Variants in POMT1 observed in about 807,000 individuals in gnomAD.
POMT1 encodes protein O-mannosyl-transferase 1.
POMT1 carries 85 observed loss-of-function variants against 101.6 expected under a neutral mutation model. That is an observed-to-expected ratio of 0.84 (90% CI 0.70 to 1.00). The LOEUF is 1.00. Among genes scored for constraint, POMT1 ranks in the 50% least tolerant of loss-of-function variants. POMT1 has a pLI of 0.00. For missense variants in POMT1, 857 were observed against 930.4 expected, an observed-to-expected ratio of 0.92 and a Z score of 1.03; for synonymous variants, 371 against 383.0, an observed-to-expected ratio of 0.97 and a Z score of 0.37.
chr9:131,521,387 G>A lies in POMT1; in HGVS notation c.1740G>A (p.Ser580=), dbSNP rs148758906. The change falls in exon 18 of 20, where the codon TCG becomes TCA. Residue 580 remains serine, a synonymous_variant. Transcript: ENST00000402686. ...HLLGNIVIWV[S]GSLALAIYAL... Reference sequence around the variant, plus strand: ...TTGGAAACATAGTGATCTGGGTTTCGGGCAGCCTCGCTCTGGCCATCTACG... The same window carrying A: ...TTGGAAACATAGTGATCTGGGTTTCAGGCAGCCTCGCTCTGGCCATCTACG... 1.9e-5 allele frequency: 31 copies of A among 1,614,008 alleles called. No homozygotes were observed. The highest frequency in any genetic ancestry group is 1.5e-4 in the African/African-American group (11 of 74,916).
At chr9:131,508,001 G>A (rs1370241307) in intron 5 of POMT1, among the ~76,000 whole-genome samples, 1 of 152,198 alleles carries the variant, frequency 6.6e-6, no homozygotes. Context: ...GGAAGGCTGA[G>A]GCGGGCAGAT....
chr9:131,523,216 G>A lies in POMT1; in HGVS notation c.*110G>A. On this transcript the variant is annotated 3_prime_UTR_variant, in exon 20 of 20. Coordinates refer to ENST00000402686, the MANE Select transcript of POMT1 (RefSeq NM_001077365.2). ...GCCCCACGCTGGGAGGACACGGGCT[G>A]GGCTGAGCAGGGCCTCTAGTGGAAC... The A allele has an allele frequency of 7.5e-7, 1 of 1,326,492 alleles. No homozygotes were observed. Among genetic ancestry groups the A allele is most frequent in the South Asian group, 1.3e-5 (1 of 79,596 alleles). The allele number at this position is 1,326,492 out of a possible 1,614,324, so 82.2% of individuals were successfully genotyped here. A position where few individuals can be genotyped will look rare whatever the true frequency, so the allele number is the denominator to read the frequency against.
Position 131,523,258 on chromosome 9 carries a change from G to A in POMT1, c.*152G>A. Reference sequence around the variant, plus strand: ...TAGTGGAACACATGGGGGTCTCATTGAAAAGCTCTCTGATGAGCACCTCCT... The same window carrying A: ...TAGTGGAACACATGGGGGTCTCATTAAAAAGCTCTCTGATGAGCACCTCCT... On this transcript the variant is annotated 3_prime_UTR_variant, in exon 20 of 20. Coordinates refer to ENST00000402686, the MANE Select transcript of POMT1 (RefSeq NM_001077365.2). 3.3e-6 allele frequency: 3 copies of A among 914,218 alleles called. No individual in the cohort carries two copies. Among genetic ancestry groups the A allele is most frequent in the Non-Finnish European group, 3.4e-6 (2 of 594,924 alleles). 56.6% of individuals were successfully genotyped at this position (914,218 alleles called of 1,614,324 possible). A position where few individuals can be genotyped will look rare whatever the true frequency, so the allele number is the denominator to read the frequency against.
rs567254229 is a variant in POMT1 at position 131,520,716 on chromosome 9, C to G, written c.1698+523C>G. On this transcript the variant is annotated intron_variant, in intron 17 of 19. Coordinates refer to ENST00000402686, the MANE Select transcript of POMT1 (RefSeq NM_001077365.2). ...CTCAGGCCCAGAGGCCGCCCCACCC[C>G]GAGCTCTGAGCGCACTTTGCATTCT... is the stretch of plus-strand genomic sequence containing the variant. Among the ~76,000 whole-genome samples the G allele has an allele frequency of 4.6e-5, 7 of 152,364 alleles. No homozygotes were observed. In the East Asian group the frequency reaches 5.8e-4, roughly 13 times the overall value.
In POMT1 at chr9:131,513,377, T is replaced by C. The variant is rs1021494409; in HGVS notation, c.1175+46T>C. The stretch of plus-strand genomic sequence containing the variant: ...CTCTGCTGCACCTGTGGGTTTCCTC[T>C]GTGGTTCTCTGTTCAGACCAAAACG... On this transcript the variant is annotated intron_variant, in intron 12 of 19. Transcript: ENST00000402686. 5.2e-6 allele frequency: 8 copies of C among 1,550,620 alleles called. No individual in the cohort carries two copies. The Admixed American group carries it at 1.1e-4, about 21-fold the overall frequency.
At position 131,519,066 on chromosome 9, in the gene POMT1, C is replaced by A; in HGVS notation, c.1486+109C>A. On this transcript the variant is annotated intron_variant, in intron 15 of 19. Coordinates refer to ENST00000402686, the MANE Select transcript of POMT1 (RefSeq NM_001077365.2). The surrounding 1 kb of genome is among the most constrained non-coding windows in gnomAD (Gnocchi z 4.3). ...TGGTGGGAAGGGAACTGAGCACATT[C>A]TCCATGCTCGGTGGCAGGTCATCTC... The A allele has an allele frequency of 6.5e-7, 1 of 1,532,078 alleles. No homozygotes were observed. Among genetic ancestry groups the A allele is most frequent in the Non-Finnish European group, 8.8e-7 (1 of 1,131,446 alleles). The allele number at this position is 1,532,078 out of a possible 1,614,324, so 94.9% of individuals were successfully genotyped here.
intron 5 of POMT1, among the ~76,000 whole-genome samples, chr9:131,508,455 C>T (rs1167533362): frequency 1.3e-5 from 2 of 151,506 alleles, no homozygotes; most frequent in Admixed American, 6.6e-5. Flanking sequence ...CGCTTGAACC[C>T]GGGAGGCGGA....
At chr9:131,504,066 T>G (rs1042345100) in intron 1 of POMT1, 123 bp from the exon 2 acceptor site, 1 of 1,179,814 alleles carries the variant, frequency 8.5e-7, no homozygotes, top group Non-Finnish European at 1.2e-6. Flanking sequence ...GGAACTTCGG[T>G]CTTTCTCAGC....
intron 13 of POMT1, 34 bp downstream of exon 13, chr9:131,515,556 G>A (rs752496243): frequency 6.9e-6 from 11 of 1,589,562 alleles, no homozygotes; most frequent in South Asian, 3.3e-5. Context: ...AGCCACAACC[G>A]TCAGTAATGA....
In POMT1 at chr9:131,513,279, C is replaced by G; in HGVS notation, c.1123C>G (p.His375Asp). Reference sequence around the variant, plus strand: ...GAGCAGCCCTCCGAGACCTGTGAGGCACGGGGACATGGTGCAGCTGGTCCA... The same window carrying G: ...GAGCAGCCCTCCGAGACCTGTGAGGGACGGGGACATGGTGCAGCTGGTCCA... ...VVSSPPRPVRHGDMVQLVHGM... is the reference protein window; with the variant it reads ...VVSSPPRPVRDGDMVQLVHGM... Residue 375 changes from histidine (H) to aspartate (D), a missense_variant, in exon 12 of 20, where the codon CAC becomes GAC. By Grantham distance (81) the His-to-Asp change is moderately conservative. Coordinates refer to ENST00000402686, the MANE Select transcript of POMT1 (RefSeq NM_001077365.2). 6.2e-7 allele frequency: 1 copy of G among 1,613,106 alleles called. No homozygotes were observed. Among genetic ancestry groups the G allele is most frequent in the Non-Finnish European group, 8.5e-7 (1 of 1,180,000 alleles).
chr9:131,508,997 A>G lies in POMT1; in HGVS notation c.514A>G (p.Lys172Glu). The change falls in exon 6 of 20, where the codon AAG becomes GAG. Residue 172 changes from lysine (K) to glutamate (E), a missense_variant. By Grantham distance (56) the Lys-to-Glu change is moderately conservative. Transcript: ENST00000402686. ...FNLLAVLSYL[K>E]FFNCQKHSPF... ...TCTATTGGCCGTGTTGTCCTACCTG[A>G]AGTTCTTCAACTGCCAAAAGCACAG... The G allele has an allele frequency of 6.2e-7, 1 of 1,612,616 alleles. No homozygotes were observed. The highest frequency in any genetic ancestry group is 1.1e-5 in the South Asian group (1 of 91,052).
At chr9:131,510,941 T>G (rs1946987697) in intron 9 of POMT1, 2 of 281,146 alleles carry the variant, frequency 7.1e-6, no homozygotes, top group South Asian at 7.9e-5. Context: ...TGGTCAGGAC[T>G]GTGGTTCCTG....
At chr9:131,510,022 T>A in intron 8 of POMT1, 26 bp downstream of exon 8, 4 of 1,614,212 alleles carry the variant, frequency 2.5e-6, no homozygotes, top group Non-Finnish European at 3.4e-6. Flanking sequence ...CAGTGCTGCA[T>A]GAGGCCGGCC....
rs1417703318 is a variant in POMT1, at chr9:131,519,310, T to C, written c.1487-79T>C. On this transcript the variant is annotated intron_variant, in intron 15 of 19. Transcript: ENST00000402686. The surrounding 1 kb of genome is among the most constrained non-coding windows in gnomAD (Gnocchi z 4.3). ...GTTAGAAAGGCAGGAAGCCAGCTTT[T>C]TGCTGCACTGACAGCTTCTGCTCTG... 2.1e-6 allele frequency: 3 copies of C among 1,402,718 alleles called. No individual in the cohort carries two copies. Among genetic ancestry groups the C allele is most frequent in the South Asian group, 2.5e-5 (2 of 80,946 alleles). 86.9% of individuals were successfully genotyped at this position (1,402,718 alleles called of 1,614,324 possible).
At position 131,518,707 on chromosome 9, in the gene POMT1, C is replaced by T. The variant is rs574243678; in HGVS notation, c.1366-130C>T. The T allele has an allele frequency of 2.0e-6, 3 of 1,507,810 alleles. No homozygotes were observed. The Admixed American group carries it at 5.2e-5, about 26-fold the overall frequency. 93.4% of individuals were successfully genotyped at this position (1,507,810 alleles called of 1,614,324 possible). On this transcript the variant is annotated intron_variant, in intron 14 of 19. Transcript: ENST00000402686. ...TTTTGTAACTTCTCAGGATGGAATC[C>T]CAATGTGAATCTCCCACAAGGGGCA...
rs371653610 is a variant in POMT1 at position 131,515,444 on chromosome 9, C to A, written c.1194C>A (p.Pro398=). Residue 398 remains proline (P), a synonymous_variant, in exon 13 of 20, where the codon CCC becomes CCA. Coordinates refer to ENST00000402686, the MANE Select transcript of POMT1 (RefSeq NM_001077365.2). ...TTTCCAGGCATGATGTTGCAGCCCC[C>A]CTGAGCCCCCATTCACAGGAGGTCT... ...RSLNTHDVAA[P]LSPHSQEVSC... is the part of the protein sequence containing the mutation. 8.2e-5 allele frequency: 133 copies of A among 1,614,098 alleles called. No individual in the cohort carries two copies. Among genetic ancestry groups the A allele is most frequent in the Non-Finnish European group, 1.1e-4 (124 of 1,180,038 alleles).
intron 2 of POMT1, among the ~76,000 whole-genome samples, chr9:131,505,701 C>T (rs1018233374): frequency 7.2e-6 from 1 of 139,174 alleles, no homozygotes; most frequent in African/African-American, 2.7e-5. Context: ...TCCTTTCATA[C>T]TTGCAGCCGT....
rs188161942 is a variant in POMT1, at chr9:131,523,548, G to A, written c.*442G>A. Reference sequence around the variant, plus strand: ...TCCCGGCCCTGCCCTCAGCGAGCCCGGCAGGCGTCCTGGGACAGCTCAGTG... The same window carrying A: ...TCCCGGCCCTGCCCTCAGCGAGCCCAGCAGGCGTCCTGGGACAGCTCAGTG... On this transcript the variant is annotated 3_prime_UTR_variant, in exon 20 of 20. Transcript: ENST00000402686. The A allele has an allele frequency of 3.3e-5, 9 of 271,880 alleles. No individual in the cohort carries two copies. Among genetic ancestry groups the A allele is most frequent in the African/African-American group, 6.6e-5 (3 of 45,734 alleles). The allele number at this position is 271,880 out of a possible 1,614,324, so 16.8% of individuals were successfully genotyped here. A position where few individuals can be genotyped will look rare whatever the true frequency, so the allele number is the denominator to read the frequency against.
rs375637029 is a variant in POMT1 at position 131,523,560 on chromosome 9, G to A, written c.*454G>A. ...CCTCAGCGAGCCCGGCAGGCGTCCT[G>A]GGACAGCTCAGTGTTGGAGGGCCAC... On this transcript the variant is annotated 3_prime_UTR_variant, in exon 20 of 20. Coordinates refer to ENST00000402686, the MANE Select transcript of POMT1 (RefSeq NM_001077365.2). The A allele has an allele frequency of 1.4e-4, 36 of 263,614 alleles. No homozygotes were observed. The highest frequency in any genetic ancestry group is 2.0e-4 in the Non-Finnish European group (27 of 134,254). The allele number at this position is 263,614 out of a possible 1,614,324, so 16.3% of individuals were successfully genotyped here.
Sources: allele counts gnomAD v4.1 joint callset (sites outside exome capture counted in the v4.1 genomes callset), GRCh38; gene constraint gnomAD v4.1.1; non-coding constraint Gnocchi (gnomAD v3.1); transcripts MANE v1.5; gene names NCBI Gene and HGNC (gene_info 2026-07-23, HGNC 2026-07-21).